The following LRP1B variants were observed in gnomAD, a reference collection of about 807,000 sequenced individuals.
LRP1B encodes the protein low-density lipoprotein receptor-related protein 1B.
In LRP1B, 217 loss-of-function variants were observed where a neutral mutation model predicts 556.6. That is an observed-to-expected ratio of 0.39 (90% CI 0.35 to 0.44). LRP1B has a LOEUF of 0.44. Among genes scored for constraint, LRP1B ranks in the 20% least tolerant of loss-of-function variants. The pLI is 1.00. For synonymous variants in LRP1B, 2,047 were observed against 1,865.8 expected, an observed-to-expected ratio of 1.10 and a Z score of -2.50; for missense variants, 5,053 against 5,620.8, an observed-to-expected ratio of 0.90 and a Z score of 3.23.
intron 43 of LRP1B, among the ~76,000 whole-genome samples, chr2:140,568,131 G>A (rs1681192745): frequency 7.3e-6 from 1 of 137,228 alleles, no homozygotes; most frequent in African/African-American, 2.7e-5. Context: ...TGACCCAAAG[G>A]AAAAGAAAAT....
chr2:140,348,355 T>A (rs534587958), intron 77 of LRP1B, among the ~76,000 whole-genome samples: 150 of 152,208 alleles, frequency 9.9e-4, no homozygotes, highest in East Asian at 1.7e-3. Context: ...AAGTATTTTT[T>A]AAAATAATGT....
intron 1 of LRP1B, among the ~76,000 whole-genome samples, chr2:142,054,592 G>T (rs989921866): frequency 2.0e-5 from 3 of 151,966 alleles, no homozygotes; most frequent in African/African-American, 7.3e-5. Flanking sequence ...ACATGTTTAC[G>T]ATGACACATA....
At chr2:140,443,050 T>C (rs1025236818) in intron 65 of LRP1B, among the ~76,000 whole-genome samples, 3 of 152,140 alleles carry the variant, frequency 2.0e-5, no homozygotes, top group Non-Finnish European at 4.4e-5. Flanking sequence ...TTTATCAAAC[T>C]GTCTAGGAAT....
intron 2 of LRP1B, among the ~76,000 whole-genome samples, chr2:141,734,904 G>A (rs1366363679): frequency 2.0e-5 from 3 of 152,086 alleles, no homozygotes; most frequent in African/African-American, 7.2e-5. Flanking sequence ...CTAACTTTTG[G>A]CCAGAACTGA....
intron 35 of LRP1B, among the ~76,000 whole-genome samples, chr2:140,728,340 C>T (rs752689719): frequency 6.6e-6 from 1 of 152,096 alleles, no homozygotes; most frequent in Admixed American, 6.6e-5. Context: ...TCAGGTAACA[C>T]GTGAGAACTA....
chr2:140,256,977 G>A (rs1681723290), intron 86 of LRP1B, among the ~76,000 whole-genome samples: 1 of 151,424 alleles, frequency 6.6e-6, no homozygotes, highest in African/African-American at 2.4e-5. Flanking sequence ...ATTCCCAACA[G>A]AAAAAAATAG....
intron 41 of LRP1B, among the ~76,000 whole-genome samples, chr2:140,603,296 C>T (rs140134542): frequency 6.6e-6 from 1 of 152,010 alleles, no homozygotes; most frequent in Non-Finnish European, 1.5e-5. Flanking sequence ...TTATGTGATG[C>T]ACATAGTTCT....
intron 3 of LRP1B, among the ~76,000 whole-genome samples, chr2:141,417,087 T>C (rs28360754): frequency 0.032 from 4,939 of 152,296 alleles, 251 homozygotes; most frequent in African/African-American, 0.11. Context: ...GATATATTGT[T>C]TCCTATCTTT....
intron 25 of LRP1B, among the ~76,000 whole-genome samples, chr2:140,870,584 CT>C (rs1446620890): frequency 6.6e-6 from 1 of 152,078 alleles, no homozygotes; most frequent in African/African-American, 2.4e-5. Context: ...GAAAAATTCC[CT>C]TTGCTCTTAC....
chr2:141,673,415 T>C (rs1227757735), intron 2 of LRP1B, among the ~76,000 whole-genome samples: 4 of 152,220 alleles, frequency 2.6e-5, no homozygotes, highest in Non-Finnish European at 4.4e-5. Flanking sequence ...AATGTTTGAA[T>C]AGACTTGTGT....
intron 3 of LRP1B, among the ~76,000 whole-genome samples, chr2:141,467,124 C>CTATA (rs1288032611): frequency 1.2e-3 from 10 of 8,610 alleles, no homozygotes; most frequent in African/African-American, 1.6e-3. Context: ...ATATATATAT[C>CTATA]TATATATATA....
intron 11 of LRP1B, among the ~76,000 whole-genome samples, chr2:141,021,531 A>G (rs1466697360): frequency 6.6e-6 from 1 of 151,966 alleles, no homozygotes; most frequent in Non-Finnish European, 1.5e-5. Context: ...GCACTTTCCT[A>G]TTCTGGTATA....
intron 2 of LRP1B, among the ~76,000 whole-genome samples, chr2:141,482,542 T>A (rs947464716): frequency 6.6e-6 from 1 of 151,968 alleles, no homozygotes; most frequent in Non-Finnish European, 1.5e-5. Flanking sequence ...TTTGTATAAA[T>A]ATACAAATTT....
chr2:140,483,640 A>ATATATAT (rs1491228405), intron 59 of LRP1B, among the ~76,000 whole-genome samples: 7 of 70,738 alleles, frequency 9.9e-5, no homozygotes, highest in African/African-American at 2.5e-4. Context: ...ATATATATAT[A>ATATATAT]TTTTTTTTTT....
At chr2:140,924,101 A>T (rs543591639) in intron 20 of LRP1B, among the ~76,000 whole-genome samples, 12 of 152,116 alleles carry the variant, frequency 7.9e-5, no homozygotes, top group African/African-American at 2.9e-4. Context: ...TTAATGTATA[A>T]GCTACCTATA....
rs532941216 is a variant in LRP1B, at chr2:140,310,210, T to G, written c.12805+4725A>C. Among the ~76,000 whole-genome samples, 6 of 151,946 alleles carry G rather than the reference T, an allele frequency of 3.9e-5. No individual in the cohort carries two copies. The East Asian group carries it at 1.2e-3, about 29-fold the overall frequency. The stretch of plus-strand genomic sequence containing the variant: ...TGCTTTCTGTGTTTTTTCTACTTGC[T>G]TTGTTGGAGTTATAATTTCCTATAT... On this transcript the variant is annotated intron_variant, in intron 83 of 90. Coordinates refer to ENST00000389484, the MANE Select transcript of LRP1B (RefSeq NM_018557.3).
chr2:141,906,909 G>A (rs1409983568), intron 1 of LRP1B, among the ~76,000 whole-genome samples: 6 of 151,994 alleles, frequency 3.9e-5, no homozygotes, highest in African/African-American at 1.2e-4. Flanking sequence ...GAGCCACCTA[G>A]AGGCACAAAA....
chr2:140,944,656 G>A (rs539801039), intron 20 of LRP1B, among the ~76,000 whole-genome samples: 8 of 151,998 alleles, frequency 5.3e-5, no homozygotes, highest in African/African-American at 1.4e-4. Context: ...AATTAAAATA[G>A]AAACCATATG....
chr2:141,229,139 A>T (rs748902987), intron 6 of LRP1B, 44 bp downstream of exon 6: 13 of 1,597,454 alleles, frequency 8.1e-6, no homozygotes, highest in Non-Finnish European at 1.1e-5. Flanking sequence ...TCTGTAAATG[A>T]AATCAGTAAA....
Sources: allele counts gnomAD v4.1 joint callset (sites outside exome capture counted in the v4.1 genomes callset), GRCh38; gene constraint gnomAD v4.1.1; transcripts MANE v1.5; gene names NCBI Gene and HGNC (gene_info 2026-07-23, HGNC 2026-07-21).